Variants in RAB12 observed in about 807,000 individuals in gnomAD.
The protein encoded by RAB12 is RAB12, member RAS oncogene family, also known as ras-related protein Rab-12.
In RAB12, 11 loss-of-function variants were observed where a neutral mutation model predicts 28.4. The observed-to-expected ratio is 0.39, with a 90% confidence interval of 0.24 to 0.64. RAB12 has a LOEUF of 0.64. Among genes scored for constraint, RAB12 ranks in the 30% least tolerant of loss-of-function variants. RAB12 has a pLI of 0.50. For synonymous variants in RAB12, 138 were observed against 145.3 expected, an observed-to-expected ratio of 0.95 and a Z score of 0.36; for missense variants, 276 against 351.1, an observed-to-expected ratio of 0.79 and a Z score of 1.71.
intron 1 of RAB12, among the ~76,000 whole-genome samples, chr18:8,618,788 A>G (rs945057939): frequency 2.0e-5 from 3 of 152,218 alleles, no homozygotes; most frequent in Admixed American, 1.3e-4. Context: ...CTGGGATTAC[A>G]GGTGTGAGCC....
Position 8,639,243 on chromosome 18 carries a change from C to CTGCACTG in RAB12, c.*983_*989dup, listed in dbSNP as rs1396311463. ...TATCTTTGGTATATCTTTTATTAAA[C>CTGCACTG]TGCACTGTTTTGTTTAGTCAAGGTA... On this transcript the variant is annotated 3_prime_UTR_variant, in exon 6 of 6. Coordinates refer to ENST00000649141, the MANE Select transcript of RAB12 (RefSeq NM_001025300.3). 6.5e-5 allele frequency: 8 copies of CTGCACTG among 122,454 alleles called. No homozygotes were observed. Among genetic ancestry groups the CTGCACTG allele is most frequent in the Non-Finnish European group, 1.3e-4 (8 of 60,588 alleles). The allele number at this position is 122,454 out of a possible 1,614,324, so 7.6% of individuals were successfully genotyped here.
At chr18:8,623,372 G>T (rs550272742) in intron 1 of RAB12, among the ~76,000 whole-genome samples, 1 of 152,168 alleles carries the variant, frequency 6.6e-6, no homozygotes, top group Non-Finnish European at 1.5e-5. Context: ...CTGACTTCCC[G>T]CAACAATAGA....
chr18:8,612,785 C>T (rs900291925), intron 1 of RAB12, among the ~76,000 whole-genome samples: 1 of 152,220 alleles, frequency 6.6e-6, no homozygotes, highest in Non-Finnish European at 1.5e-5. Flanking sequence ...ATCTTCCTGC[C>T]GCAGCCTCCT....
At chr18:8,617,443 T>C (rs2096007309) in intron 1 of RAB12, among the ~76,000 whole-genome samples, 1 of 151,926 alleles carries the variant, frequency 6.6e-6, no homozygotes, top group Admixed American at 6.6e-5. Context: ...AATCCACTGT[T>C]TGATCATGGT....
intron 1 of RAB12, among the ~76,000 whole-genome samples, chr18:8,614,451 A>C (rs779854162): frequency 1.1e-4 from 16 of 151,702 alleles, no homozygotes; most frequent in Non-Finnish European, 2.2e-4. Flanking sequence ...TTCCTTCAGA[A>C]TGCTGGTGGC....
At chr18:8,625,702 G>A (rs529539391) in intron 2 of RAB12, among the ~76,000 whole-genome samples, 72 of 152,260 alleles carry the variant, frequency 4.7e-4, no homozygotes, top group African/African-American at 1.7e-3. Context: ...GTGGTCTGGC[G>A]GTGGCTTAAA....
Position 8,609,544 on chromosome 18 carries a change from C to G in RAB12, c.105C>G (p.Ser35Arg), listed in dbSNP as rs1275357103. The change falls in exon 1 of 6, where the codon AGC becomes AGG. Residue 35 changes from serine to arginine, a missense_variant. Physicochemically the swap from Ser to Arg is moderately radical, Grantham distance 110. This residue lies in a region of RAB12 where 72 missense variants were observed against 55.5 expected (regional missense o/e 1.30). Coordinates refer to ENST00000649141, the MANE Select transcript of RAB12 (RefSeq NM_001025300.3). ...GAGGAGGGGACCCGGGCGCAGAGAG[C>G]CGGCCGGCGGCGCAGTTGCAGCGCG... Reference protein sequence around the residue: ...GGGGGDPGAESRPAAQLQRGA... With the variant: ...GGGGGDPGAERRPAAQLQRGA... 1 of 155,196 alleles carries G rather than the reference C, an allele frequency of 6.4e-6. No individual in the cohort carries two copies. The highest frequency in any genetic ancestry group is 2.4e-5 in the African/African-American group (1 of 41,042). 9.6% of individuals were successfully genotyped at this position (155,196 alleles called of 1,614,324 possible). A position where few individuals can be genotyped will look rare whatever the true frequency, so the allele number is the denominator to read the frequency against.
intron 3 of RAB12, 86 bp downstream of exon 3, chr18:8,633,413 T>C (rs1480023785): frequency 6.9e-7 from 1 of 1,455,964 alleles, no homozygotes; most frequent in Non-Finnish European, 9.5e-7. Flanking sequence ...AACACATGTA[T>C]TGAGCATGTT....
At chr18:8,633,039 A>T in intron 2 of RAB12, 150 bp from the exon 3 acceptor site, 1 of 857,642 alleles carries the variant, frequency 1.2e-6, no homozygotes, top group Non-Finnish European at 1.9e-6. Context: ...TACTTTCTTT[A>T]AGTGTGGTCA....
At chr18:8,625,513 AC>A (rs1266314236) in intron 2 of RAB12, among the ~76,000 whole-genome samples, 3 of 152,202 alleles carry the variant, frequency 2.0e-5, no homozygotes, top group Non-Finnish European at 4.4e-5. Context: ...GTGAGCCCCC[AC>A]TAATGCCTAC....
Position 8,639,042 on chromosome 18 carries a change from T to C in RAB12, c.*780T>C, listed in dbSNP as rs2096020583. 6.6e-6 allele frequency: 1 copy of C among 151,750 alleles called. No individual in the cohort carries two copies. Among genetic ancestry groups the C allele is most frequent in the Admixed American group, 6.6e-5 (1 of 15,212 alleles). 9.4% of individuals were successfully genotyped at this position (151,750 alleles called of 1,614,324 possible). A position where few individuals can be genotyped will look rare whatever the true frequency, so the allele number is the denominator to read the frequency against. On this transcript the variant is annotated 3_prime_UTR_variant, in exon 6 of 6. Coordinates refer to ENST00000649141, the MANE Select transcript of RAB12 (RefSeq NM_001025300.3). Reference sequence around the variant, plus strand: ...TTTTAAAGAGATGCATTTTACTATATCAAAGAACATACGTGTATTTGCCTA... The same window carrying C: ...TTTTAAAGAGATGCATTTTACTATACCAAAGAACATACGTGTATTTGCCTA...
chr18:8,628,978 A>G (rs1321762669), intron 2 of RAB12, among the ~76,000 whole-genome samples: 2 of 152,188 alleles, frequency 1.3e-5, no homozygotes, highest in African/African-American at 4.8e-5. Flanking sequence ...AAGACCTTAA[A>G]TCTGATTGTT....
intron 2 of RAB12, among the ~76,000 whole-genome samples, chr18:8,628,377 C>T (rs184065294): frequency 6.6e-6 from 1 of 152,242 alleles, no homozygotes; most frequent in Non-Finnish European, 1.5e-5. Flanking sequence ...ATAAATCAAG[C>T]AAAGGCACTT....
At chr18:8,620,631 T>TA (rs931851222) in intron 1 of RAB12, among the ~76,000 whole-genome samples, 1 of 152,078 alleles carries the variant, frequency 6.6e-6, no homozygotes, top group African/African-American at 2.4e-5. Flanking sequence ...TCTTCTTACA[T>TA]ATACAGCATT....
chr18:8,614,347 G>A (rs1372091472), intron 1 of RAB12, among the ~76,000 whole-genome samples: 1 of 151,868 alleles, frequency 6.6e-6, no homozygotes, highest in African/African-American at 2.4e-5. Flanking sequence ...AGTGTCTTAA[G>A]CCTTTTACAT....
intron 1 of RAB12, among the ~76,000 whole-genome samples, chr18:8,621,866 G>C (rs2096010066): frequency 6.6e-6 from 1 of 152,122 alleles, no homozygotes; most frequent in Non-Finnish European, 1.5e-5. Context: ...TTACTGTCGG[G>C]TAATCTTTGC....
At chr18:8,622,159 G>A (rs897430211) in intron 1 of RAB12, among the ~76,000 whole-genome samples, 17 of 152,166 alleles carry the variant, frequency 1.1e-4, no homozygotes, top group African/African-American at 4.1e-4. Context: ...TAGTCAATTT[G>A]AAGCAGAGCT....
At chr18:8,613,399 T>C (rs1248186912) in intron 1 of RAB12, among the ~76,000 whole-genome samples, 1 of 152,190 alleles carries the variant, frequency 6.6e-6, no homozygotes, top group African/African-American at 2.4e-5. Flanking sequence ...AGCATACTTA[T>C]CCACCATGAA....
chr18:8,619,203 G>T lies in RAB12; in HGVS notation c.515-5735G>T, dbSNP rs569618228. Among the ~76,000 whole-genome samples the T allele has an allele frequency of 1.2e-4, 18 of 152,272 alleles. No individual in the cohort carries two copies. In the South Asian group the frequency reaches 3.3e-3, roughly 28 times the overall value. ...AATCTATGGTCTGGTCCAAACTCCA[G>T]ATCTTTGGTGGAACGAGGAGAAGTG... is the stretch of plus-strand genomic sequence containing the variant. On this transcript the variant is annotated intron_variant, in intron 1 of 5. Coordinates refer to ENST00000649141, the MANE Select transcript of RAB12 (RefSeq NM_001025300.3).
Sources: gnomAD v4.1 joint callset for allele counts (sites outside exome capture counted in the v4.1 genomes callset) on GRCh38, gnomAD v4.1.1 for gene constraint, gnomAD v4.1.1 regional missense constraint, MANE v1.5 for transcripts, NCBI Gene and HGNC (gene_info 2026-07-23, HGNC 2026-07-21) for gene names.